The following STK3 variants were observed in gnomAD, a reference collection of about 807,000 sequenced individuals.
STK3 encodes serine/threonine kinase 3, also known as serine/threonine-protein kinase 3.
STK3 carries 41 observed loss-of-function variants against 58.0 expected under a neutral mutation model. The observed-to-expected ratio is 0.71, with a 90% CI of 0.55 to 0.92. STK3 has a LOEUF of 0.92. Among genes scored for constraint, STK3 ranks in the 40% least tolerant of loss-of-function variants. The probability of loss-of-function intolerance (pLI) is 0.00; values close to 1 mark genes in which losing one functional copy is unlikely to be tolerated. For synonymous variants in STK3, 170 were observed against 191.0 expected (o/e 0.89, Z 0.91); for missense variants, 479 against 602.7 (o/e 0.79, Z 2.15).
intron 1 of STK3, among the ~76,000 whole-genome samples, chr8:98,892,950 G>A (rs967310152): frequency 7.2e-5 from 11 of 152,044 alleles, no homozygotes; most frequent in African/African-American, 1.9e-4. Flanking sequence ...TATTTGAGAC[G>A]GTTAATGAAA....
At chr8:98,549,881 C>T (rs543584752) in intron 8 of STK3, among the ~76,000 whole-genome samples, 6 of 152,160 alleles carry the variant, frequency 3.9e-5, no homozygotes, top group African/African-American at 1.4e-4. Flanking sequence ...CGGTGGTGTG[C>T]CTGTAGTCCT....
At chr8:98,633,445 GATTATTAA>G in intron 6 of STK3, 1 of 513,648 alleles carries the variant, frequency 1.9e-6, no homozygotes, top group Non-Finnish European at 3.6e-6. Flanking sequence ...TGAGACTGCA[GATTATTAA>G]ATCAGTTGGT....
chr8:98,412,012 C>T (rs974605571), intron 3 of STK3, among the ~76,000 whole-genome samples: 1 of 152,170 alleles, frequency 6.6e-6, no homozygotes, highest in African/African-American at 2.4e-5. Context: ...AAAGGCCCCT[C>T]CAGTTTAAAA....
intron 6 of STK3, among the ~76,000 whole-genome samples, chr8:98,644,405 C>T (rs1053643319): frequency 5.9e-5 from 9 of 152,144 alleles, no homozygotes; most frequent in Non-Finnish European, 1.2e-4. Flanking sequence ...AATATTTTAT[C>T]TGATGCTTTA....
chr8:98,344,500 C>T, the STK3 span, among the ~76,000 whole-genome samples: 1 of 152,162 alleles, frequency 6.6e-6, no homozygotes, highest in Non-Finnish European at 1.5e-5. Context: ...CCTTTTAATC[C>T]CCTTGGCAAA....
At chr8:98,646,772 T>C (rs1421777210) in intron 6 of STK3, among the ~76,000 whole-genome samples, 1 of 152,098 alleles carries the variant, frequency 6.6e-6, no homozygotes, top group Non-Finnish European at 1.5e-5. Context: ...CCAAAAAAAT[T>C]CTGTGGGTTT....
At chr8:98,815,719 C>T (rs1025011870) in intron 1 of STK3, among the ~76,000 whole-genome samples, 1 of 152,126 alleles carries the variant, frequency 6.6e-6, no homozygotes. Context: ...GGAACTAATT[C>T]GTTATCTTGA....
intron 1 of STK3, among the ~76,000 whole-genome samples, chr8:98,900,536 T>C (rs1348125882): frequency 6.6e-6 from 1 of 152,252 alleles, no homozygotes; most frequent in African/African-American, 2.4e-5. Flanking sequence ...AAAAATTGTA[T>C]ATATTTACAG....
chr8:98,390,840 T>C (rs1264599022), upstream of STK3, among the ~76,000 whole-genome samples: 1 of 152,240 alleles, frequency 6.6e-6, no homozygotes, highest in Non-Finnish European at 1.5e-5. Flanking sequence ...CCCATGTGTT[T>C]TATTTTGGTT....
At chr8:98,664,268 A>G (rs575142781) in intron 6 of STK3, among the ~76,000 whole-genome samples, 28 of 152,196 alleles carry the variant, frequency 1.8e-4, no homozygotes, top group African/African-American at 6.5e-4. Flanking sequence ...TTTAACCACC[A>G]CCAAAAAAAA....
intron 3 of STK3, among the ~76,000 whole-genome samples, chr8:98,411,484 G>A: frequency 6.6e-6 from 1 of 152,162 alleles, no homozygotes; most frequent in Non-Finnish European, 1.5e-5. Context: ...AGAGTGTGGA[G>A]CCTTGGGGAT....
At chr8:98,506,564 A>C (rs1185304729) in intron 10 of STK3, among the ~76,000 whole-genome samples, 1 of 152,192 alleles carries the variant, frequency 6.6e-6, no homozygotes, top group Non-Finnish European at 1.5e-5. Flanking sequence ...TAATAAAATT[A>C]GCCAGGTGAA....
Position 98,428,106 on chromosome 8 carries a change from C to G in STK3, n.483+6021G>C, listed in dbSNP as rs1407855949. 2 of 1,613,974 alleles carry G rather than the reference C, an allele frequency of 1.2e-6. No individual in the cohort carries two copies. The highest frequency in any genetic ancestry group is 1.7e-6 in the Non-Finnish European group (2 of 1,180,034). On this transcript the variant is annotated intron_variant and non_coding_transcript_variant, in intron 3 of 3. Coordinates refer to the STK3 transcript ENST00000517832. This position sits in a 1 kb window ranked among gnomAD's most constrained non-coding sequence, Gnocchi z 6.7. ...GCTGCTGCGCTTCCCCGAGACGCGC[C>G]TGGGCCGCTTGCTGCTCTGCCACTC...
At chr8:98,632,541 T>C (rs1264990487) in intron 6 of STK3, among the ~76,000 whole-genome samples, 1 of 152,170 alleles carries the variant, frequency 6.6e-6, no homozygotes, top group Non-Finnish European at 1.5e-5. Context: ...ACCTCATTCT[T>C]CTCAACTTAG....
At chr8:98,346,702 C>T in the STK3 span, among the ~76,000 whole-genome samples, 1 of 151,516 alleles carries the variant, frequency 6.6e-6, no homozygotes, top group Non-Finnish European at 1.5e-5. Flanking sequence ...CTATACTCAG[C>T]AAAGCTATCT....
chr8:98,879,679 A>G (rs1837722097), downstream of STK3: 1 of 152,168 alleles, frequency 6.6e-6, no homozygotes, highest in Non-Finnish European at 1.5e-5. Context: ...TTTTCTCAAA[A>G]ATTAATCAGT....
intron 7 of STK3, among the ~76,000 whole-genome samples, chr8:98,589,760 C>T (rs1329576749): frequency 6.6e-6 from 1 of 152,216 alleles, no homozygotes; most frequent in African/African-American, 2.4e-5. Flanking sequence ...ACTCCGTGGG[C>T]ATAGGACCCT....
Position 98,810,782 on chromosome 8 carries a change from G to C in STK3, c.26+14733C>G, listed in dbSNP as rs142113325. Among the ~76,000 whole-genome samples the C allele has an allele frequency of 1.8e-3, 267 of 152,276 alleles. 1 individual carries two copies. The highest frequency in any genetic ancestry group is 6.2e-3 in the African/African-American group (256 of 41,540). On this transcript the variant is annotated intron_variant, in intron 1 of 10. Coordinates refer to ENST00000419617, the MANE Select transcript of STK3 (RefSeq NM_006281.4). ...CCAATGATGGAGGTGGGGCCTAGTA[G>C]GAAGTGTTTGGGTCATGGGGGAGGA...
chr8:98,460,267 A>G (rs1819847059), intron 10 of STK3, among the ~76,000 whole-genome samples: 1 of 152,210 alleles, frequency 6.6e-6, no homozygotes, highest in South Asian at 2.1e-4. Flanking sequence ...GCTGGGTTTC[A>G]GATTTGCATG....
Sources: gnomAD v4.1 joint callset for allele counts (sites outside exome capture counted in the v4.1 genomes callset) on GRCh38, gnomAD v4.1.1 for gene constraint, Gnocchi (gnomAD v3.1) non-coding constraint, MANE v1.5 for transcripts, NCBI Gene and HGNC (gene_info 2026-07-23, HGNC 2026-07-21) for gene names.